PLEKHG7: variants seen among roughly 807,000 people sequenced by gnomAD.
The protein encoded by PLEKHG7 is pleckstrin homology domain-containing family G member 7.
PLEKHG7 carries 77 observed loss-of-function variants against 85.2 expected under a neutral mutation model. The observed-to-expected ratio is 0.90, with a 90% CI of 0.75 to 1.09. PLEKHG7 has a LOEUF of 1.09. Among genes scored for constraint, PLEKHG7 ranks in the 50% least tolerant of loss-of-function variants. The probability of loss-of-function intolerance (pLI) is 0.00; values close to 1 mark genes in which losing one functional copy is unlikely to be tolerated. For synonymous variants in PLEKHG7, 301 were observed against 302.4 expected, an observed-to-expected ratio of 1.00 and a Z score of 0.05; for missense variants, 777 against 804.3, an observed-to-expected ratio of 0.97 and a Z score of 0.41.
At chr12:92,704,784 C>T (rs948696595) in intron 1 of PLEKHG7, among the ~76,000 whole-genome samples, 3 of 152,216 alleles carry the variant, frequency 2.0e-5, no homozygotes, top group Non-Finnish European at 4.4e-5. Flanking sequence ...CACTATGTTG[C>T]CCAGGCTGGT....
At chr12:92,741,655 G>A (rs952924856) in intron 9 of PLEKHG7, 63 bp downstream of exon 9, 1 of 1,219,860 alleles carries the variant, frequency 8.2e-7, no homozygotes, top group African/African-American at 1.5e-5. Flanking sequence ...CAGGACAGTT[G>A]TTTATACCCT....
intron 13 of PLEKHG7, among the ~76,000 whole-genome samples, chr12:92,761,491 G>T (rs1872986269): frequency 6.6e-6 from 1 of 151,526 alleles, no homozygotes; most frequent in Non-Finnish European, 1.5e-5. Flanking sequence ...CCCCTGGGGT[G>T]CCGTAATACT....
intron 3 of PLEKHG7, among the ~76,000 whole-genome samples, chr12:92,710,840 G>C (rs1003925457): frequency 4.6e-5 from 7 of 152,210 alleles, no homozygotes; most frequent in African/African-American, 9.6e-5. Context: ...GCTGGGGAAA[G>C]AGGCTGAGTG....
intron 15 of PLEKHG7, among the ~76,000 whole-genome samples, chr12:92,768,374 GCTTT>G (rs1873281630): frequency 6.6e-6 from 1 of 152,108 alleles, no homozygotes; most frequent in African/African-American, 2.4e-5. Context: ...GACAGAACAG[GCTTT>G]CTTTTGCAAA....
rs1425189771 is a variant in PLEKHG7 at position 92,761,650 on chromosome 12, GAAAGAAAGAAAGA to G, written c.1637-99_1637-87del. On this transcript the variant is annotated intron_variant, in intron 13 of 16. Coordinates refer to ENST00000344636, the MANE Select transcript of PLEKHG7 (RefSeq NM_001377329.1). ...AGAAAGAAAGAAAGAAAGAAAGAAAGAAAGAAAGAAAGAAAGAAAGAAAGAAAGAAAGAAAGGG... is the reference window on the plus strand; with the variant it reads ...AGAAAGAAAGAAAGAAAGAAAGAAAGAAGAAAGAAAGAAAGAAAGAAAGGG... The G allele has an allele frequency of 4.2e-4, 490 of 1,168,256 alleles. 5 individuals carry two copies. In the African/African-American group the frequency reaches 7.8e-3, roughly 19 times the overall value. 72.4% of individuals were successfully genotyped at this position (1,168,256 alleles called of 1,614,324 possible). A position where few individuals can be genotyped will look rare whatever the true frequency, so the allele number is the denominator to read the frequency against.
At chr12:92,739,389 G>A (rs747485265) in intron 7 of PLEKHG7, among the ~76,000 whole-genome samples, 5 of 152,216 alleles carry the variant, frequency 3.3e-5, no homozygotes, top group Admixed American at 1.3e-4. Flanking sequence ...AGACACTGAG[G>A]TGAAAACCAT....
At chr12:92,764,261 T>A in intron 15 of PLEKHG7, 67 bp downstream of exon 15, 2 of 1,435,334 alleles carry the variant, frequency 1.4e-6, no homozygotes, top group Non-Finnish European at 1.9e-6. Context: ...TGGCCTTTCT[T>A]GGTAGCAGGT....
chr12:92,756,073 G>T, intron 12 of PLEKHG7, 133 bp downstream of exon 12: 3 of 731,626 alleles, frequency 4.1e-6, no homozygotes, highest in South Asian at 1.9e-5. Context: ...AAGAAGTAAA[G>T]TCTTCATCTG....
Position 92,706,668 on chromosome 12 carries a change from C to T in PLEKHG7, c.37C>T (p.Pro13Ser), listed in dbSNP as rs780372885. Residue 13 changes from proline to serine, a missense_variant, in exon 2 of 17, where the codon CCC (proline) becomes TCC (serine). Pro to Ser is a moderately conservative substitution (Grantham distance 74). Coordinates refer to ENST00000344636, the MANE Select transcript of PLEKHG7 (RefSeq NM_001377329.1). Reference sequence around the variant, plus strand: ...AGAGTCATTCTGTCCAGAGGTGCCACCCCAAGACTGTGGAGCCTCTCCTCG... The same window carrying T: ...AGAGTCATTCTGTCCAGAGGTGCCATCCCAAGACTGTGGAGCCTCTCCTCG... ...KTESFCPEVP[P>S]QDCGASPRPS... 9 of 1,614,074 alleles carry T rather than the reference C, an allele frequency of 5.6e-6. 1 individual carries two copies. In the South Asian group the frequency reaches 9.9e-5, roughly 18 times the overall value.
intron 11 of PLEKHG7, 53 bp from the exon 12 acceptor site, chr12:92,755,772 T>C: frequency 1.7e-6 from 2 of 1,175,564 alleles, no homozygotes; most frequent in Non-Finnish European, 2.5e-6. Flanking sequence ...TTAAAATTTA[T>C]ACTGCAATGT....
intron 5 of PLEKHG7, among the ~76,000 whole-genome samples, chr12:92,735,902 G>A (rs1368627774): frequency 6.6e-6 from 1 of 151,950 alleles, no homozygotes; most frequent in East Asian, 1.9e-4. Flanking sequence ...TTAGAAATCA[G>A]ATTTTTTAAA....
At chr12:92,750,761 C>G (rs1458727919) in intron 10 of PLEKHG7, among the ~76,000 whole-genome samples, 1 of 152,112 alleles carries the variant, frequency 6.6e-6, no homozygotes, top group Non-Finnish European at 1.5e-5. Context: ...TTATCTTCAT[C>G]TGTCGTGCTC....
intron 3 of PLEKHG7, among the ~76,000 whole-genome samples, chr12:92,715,211 G>A (rs1871449034): frequency 6.6e-6 from 1 of 152,142 alleles, no homozygotes; most frequent in African/African-American, 2.4e-5. Context: ...TCCAGCATGG[G>A]AGAAAGACGT....
intron 16 of PLEKHG7, 88 bp from the exon 17 acceptor site, chr12:92,770,000 T>G: frequency 1.5e-6 from 1 of 682,004 alleles, no homozygotes; most frequent in Non-Finnish European, 2.4e-6. Flanking sequence ...TCAATAAATA[T>G]AGCAGAAAAT....
chr12:92,719,783 C>T (rs1053780026), intron 3 of PLEKHG7, among the ~76,000 whole-genome samples: 5 of 152,194 alleles, frequency 3.3e-5, no homozygotes, highest in Admixed American at 6.5e-5. Flanking sequence ...AGTCATATTT[C>T]TAAAAGGGGA....
At chr12:92,763,890 T>C in intron 14 of PLEKHG7, 151 bp from the exon 15 acceptor site, 1 of 529,578 alleles carries the variant, frequency 1.9e-6, no homozygotes. Flanking sequence ...GGGGAAATGC[T>C]TTTCAAGATC....
chr12:92,720,945 C>G (rs1020148755), intron 3 of PLEKHG7, among the ~76,000 whole-genome samples: 1 of 152,164 alleles, frequency 6.6e-6, no homozygotes, highest in Non-Finnish European at 1.5e-5. Context: ...TGGAGTCAGA[C>G]CTGCATATTT....
At chr12:92,710,938 A>G (rs768630878) in intron 3 of PLEKHG7, among the ~76,000 whole-genome samples, 3 of 152,212 alleles carry the variant, frequency 2.0e-5, no homozygotes, top group Non-Finnish European at 2.9e-5. Flanking sequence ...TACGTGGGGT[A>G]CAAATATCTT....
rs756217793 is a variant in PLEKHG7 at position 92,741,536 on chromosome 12, T to G, written c.1081T>G (p.Tyr361Asp). The part of the protein sequence containing the change: ...VNSLFGIIKD[Y>D]VDASEISSSL... ...CAGTCTCTTTGGCATCATCAAGGAC[T>G]ATGTAGACGCTTCTGAGATTTCCTC... The change falls in exon 9 of 17, where the codon TAT (tyrosine) becomes GAT (aspartate). Residue 361 changes from tyrosine (Y) to aspartate (D), a missense_variant. Around this residue, in one of 3 missense-constraint regions of PLEKHG7, gnomAD observed 520 missense variants for 544.0 expected, o/e 0.96. Transcript: ENST00000344636. The G allele has an allele frequency of 3.7e-6, 6 of 1,613,332 alleles. No individual in the cohort carries two copies. The highest frequency in any genetic ancestry group is 5.1e-6 in the Non-Finnish European group (6 of 1,179,768).
Sources: allele counts gnomAD v4.1 joint callset (sites outside exome capture counted in the v4.1 genomes callset), GRCh38; gene constraint gnomAD v4.1.1; regional missense constraint gnomAD v4.1.1; transcripts MANE v1.5; gene names NCBI Gene and HGNC (gene_info 2026-07-23, HGNC 2026-07-21).